MYCBP2: variants seen among roughly 807,000 people sequenced by gnomAD.
MYCBP2 encodes MYC binding protein 2.
In MYCBP2, 120 loss-of-function variants were observed where a neutral mutation model predicts 525.3. The observed-to-expected ratio is 0.23, with a 90% CI of 0.20 to 0.27. The LOEUF (loss-of-function observed/expected upper bound fraction) is 0.27. MYCBP2 is among the 10% of genes least tolerant of loss of function. The pLI is 1.00. For missense variants in MYCBP2, 4,149 were observed against 5,657.1 expected (o/e 0.73, Z 8.55); for synonymous variants, 1,894 against 1,955.8 (o/e 0.97, Z 0.83).
chr13:77,250,266 G>A (rs77570008), intron 15 of MYCBP2, among the ~76,000 whole-genome samples: 1 of 151,830 alleles, frequency 6.6e-6, no homozygotes, highest in Non-Finnish European at 1.5e-5. Flanking sequence ...TAAAGAAAAG[G>A]CCTGTTATAT....
chr13:77,139,243 G>A lies in MYCBP2; in HGVS notation c.7612C>T (p.Leu2538Phe). 6.2e-7 allele frequency: 1 copy of A among 1,613,796 alleles called. No individual in the cohort carries two copies. Among genetic ancestry groups the A allele is most frequent in the Non-Finnish European group, 8.5e-7 (1 of 1,179,792 alleles). The change falls in exon 52 of 83, where the codon CTC (leucine) becomes TTC (phenylalanine). Residue 2538 changes from leucine to phenylalanine, a missense_variant. Leu to Phe is a conservative substitution (Grantham distance 22). Transcript: ENST00000544440. ...TTGCCAAGATGTTGATTAAAAGAGA[G>A]GCACCAGGCTTCAGTGTAACCATTC... ...NMNGYTEAWC[L>F]SFNQHLGKSL...
chr13:77,320,121 G>A (rs1182755832), intron 1 of MYCBP2, among the ~76,000 whole-genome samples: 1 of 152,190 alleles, frequency 6.6e-6, no homozygotes, highest in African/African-American at 2.4e-5. Context: ...AAAAGCGCTA[G>A]GCATTTATAT....
Position 77,243,932 on chromosome 13 carries a change from C to T in MYCBP2, c.2401G>A (p.Gly801Arg), listed in dbSNP as rs1236661981. Residue 801 changes from glycine (G) to arginine (R), a missense_variant, in exon 16 of 83, where the codon GGA becomes AGA. By Grantham distance (125) the Gly-to-Arg change is moderately radical (BLOSUM62 -2). Transcript: ENST00000544440. ...CCACACACAGCACAACCAGATTCTC[C>T]GGAACCACAACCACAGATCCTAGGG... The part of the protein sequence containing the change: ...VPGGICGCGS[G>R]ESGCAVCGCC... The T allele has an allele frequency of 1.3e-6, 2 of 1,562,032 alleles. No individual in the cohort carries two copies. The highest frequency in any genetic ancestry group is 1.7e-6 in the Non-Finnish European group (2 of 1,154,234).
At chr13:77,178,060 T>C in intron 34 of MYCBP2, 106 bp from the exon 35 acceptor site, 2 of 701,940 alleles carry the variant, frequency 2.8e-6, no homozygotes, top group South Asian at 3.4e-5. Flanking sequence ...AATAAGTGGA[T>C]ATAAACATTC....
chr13:77,139,363 C>G (rs775213249), intron 51 of MYCBP2, 27 bp from the exon 52 acceptor site: 4 of 1,601,720 alleles, frequency 2.5e-6, no homozygotes, highest in Admixed American at 3.4e-5. Context: ...CAGAAACAAG[C>G]CAGGCCTTCC....
intron 55 of MYCBP2, among the ~76,000 whole-genome samples, chr13:77,108,339 G>T (rs2048183046): frequency 6.6e-6 from 1 of 152,166 alleles, no homozygotes; most frequent in Non-Finnish European, 1.5e-5. Flanking sequence ...ATCATTTCAG[G>T]GTTTGTGATG....
At chr13:77,179,167 G>A (rs555257667) in intron 34 of MYCBP2, among the ~76,000 whole-genome samples, 1 of 152,120 alleles carries the variant, frequency 6.6e-6, no homozygotes, top group East Asian at 1.9e-4. Context: ...ATATTGGATG[G>A]GTTAATTCAG....
intron 48 of MYCBP2, among the ~76,000 whole-genome samples, chr13:77,144,855 T>C (rs2055264284): frequency 6.6e-6 from 1 of 152,112 alleles, no homozygotes; most frequent in South Asian, 2.1e-4. Context: ...AAACCTACTT[T>C]CCCCTGCCTT....
intron 26 of MYCBP2, among the ~76,000 whole-genome samples, chr13:77,201,090 A>G (rs2062477237): frequency 6.6e-6 from 1 of 152,228 alleles, no homozygotes; most frequent in African/African-American, 2.4e-5. Context: ...TAAAAGACAC[A>G]GACTGGCACA....
chr13:77,067,289 T>C (rs2040375384), intron 71 of MYCBP2, among the ~76,000 whole-genome samples: 1 of 152,218 alleles, frequency 6.6e-6, no homozygotes, highest in Non-Finnish European at 1.5e-5. Context: ...AAAAAACATA[T>C]TACCTAAAAC....
chr13:77,160,488 A>C (rs930664568), intron 44 of MYCBP2, among the ~76,000 whole-genome samples: 14 of 152,220 alleles, frequency 9.2e-5, no homozygotes, highest in Admixed American at 9.2e-4. Context: ...AATAAGTAAA[A>C]TGTAAAGCAC....
At chr13:77,146,429 A>G (rs2055568559) in intron 47 of MYCBP2, among the ~76,000 whole-genome samples, 1 of 151,870 alleles carries the variant, frequency 6.6e-6, no homozygotes, top group Admixed American at 6.6e-5. Flanking sequence ...TTAAAAAAAA[A>G]AAGCAAAAGA....
chr13:77,246,372 T>G (rs1202719256), intron 15 of MYCBP2, among the ~76,000 whole-genome samples: 1 of 151,856 alleles, frequency 6.6e-6, no homozygotes, highest in Admixed American at 6.6e-5. Context: ...CTCAAAATTT[T>G]CCAAAAAACT....
chr13:77,147,184 A>G (rs2055729613), intron 47 of MYCBP2, among the ~76,000 whole-genome samples: 1 of 152,168 alleles, frequency 6.6e-6, no homozygotes, highest in Admixed American at 6.5e-5. Context: ...GCTTATGAAT[A>G]AATTTGTATT....
intron 1 of MYCBP2, among the ~76,000 whole-genome samples, chr13:77,297,709 A>G (rs2154367430): frequency 6.6e-6 from 1 of 152,360 alleles, no homozygotes; most frequent in South Asian, 2.1e-4. Context: ...AAAATACCAA[A>G]ATGTCAACAA....
intron 17 of MYCBP2, among the ~76,000 whole-genome samples, chr13:77,238,715 G>A (rs1054816929): frequency 1.2e-4 from 19 of 152,218 alleles, no homozygotes; most frequent in Non-Finnish European, 2.4e-4. Context: ...TGAAGAAGCA[G>A]TAATATCATT....
Position 77,065,980 on chromosome 13 carries a change from A to G in MYCBP2, c.12552+12T>C. 6.2e-7 allele frequency: 1 copy of G among 1,602,722 alleles called. No homozygotes were observed. Among genetic ancestry groups the G allele is most frequent in the Non-Finnish European group, 8.5e-7 (1 of 1,172,934 alleles). The stretch of plus-strand genomic sequence containing the variant: ...CGCACTTCACTGCCAAAACAGAAGA[A>G]TGGGAACTTACTGCTGCCATATCCT... On this transcript the variant is annotated intron_variant, in intron 72 of 82. Transcript: ENST00000544440.
chr13:77,122,320 C>A (rs1215397045), intron 54 of MYCBP2, among the ~76,000 whole-genome samples: 1 of 151,962 alleles, frequency 6.6e-6, no homozygotes, highest in East Asian at 1.9e-4. Flanking sequence ...ATTAAAATAA[C>A]CTTATGAAAA....
chr13:77,212,247 A>C (rs2064116408), intron 21 of MYCBP2, 87 bp from the exon 22 acceptor site: 2 of 1,172,436 alleles, frequency 1.7e-6, no homozygotes. Context: ...GATAAAAATC[A>C]ATCTATGAAA....
Sources: allele counts gnomAD v4.1 joint callset (sites outside exome capture counted in the v4.1 genomes callset), GRCh38; gene constraint gnomAD v4.1.1; transcripts MANE v1.5; gene names NCBI Gene and HGNC (gene_info 2026-07-23, HGNC 2026-07-21).